TMTC2: variants seen among roughly 807,000 people sequenced by gnomAD.
TMTC2 encodes the protein protein O-mannosyl-transferase TMTC2.
TMTC2 carries 43 observed loss-of-function variants against 82.4 expected under a neutral mutation model. The observed-to-expected ratio is 0.52, with a 90% confidence interval of 0.41 to 0.67. The LOEUF is 0.67. TMTC2 is among the 30% of genes least tolerant of loss of function. The probability of loss-of-function intolerance (pLI) is 0.00; values close to 1 mark genes in which losing one functional copy is unlikely to be tolerated. For missense variants in TMTC2, 919 were observed against 1,012.4 expected (o/e 0.91, Z 1.25); for synonymous variants, 408 against 381.9 (o/e 1.07, Z -0.80).
intron 2 of TMTC2, among the ~76,000 whole-genome samples, chr12:82,873,214 TGTG>T (rs1872300727): frequency 1.3e-4 from 2 of 15,776 alleles, no homozygotes; most frequent in African/African-American, 6.8e-4. Context: ...TCAAAGATGT[TGTG>T]TGTGTGTGTG....
intron 1 of TMTC2, among the ~76,000 whole-genome samples, chr12:82,775,292 T>C (rs1482972856): frequency 6.6e-6 from 1 of 151,580 alleles, no homozygotes; most frequent in Non-Finnish European, 1.5e-5. Context: ...TTATAAAAAA[T>C]TAAAAAAAAT....
intron 2 of TMTC2, among the ~76,000 whole-genome samples, chr12:82,889,725 T>C (rs532228276): frequency 6.6e-6 from 1 of 152,324 alleles, no homozygotes; most frequent in South Asian, 2.1e-4. Flanking sequence ...CATGCTGTTA[T>C]AGAATGATTT....
intron 9 of TMTC2, among the ~76,000 whole-genome samples, chr12:83,033,190 A>G (rs901290164): frequency 5.3e-5 from 8 of 152,222 alleles, no homozygotes; most frequent in Non-Finnish European, 7.3e-5. Flanking sequence ...TGAGAAGGCC[A>G]TAATTGAGTG....
chr12:82,877,255 TTCTC>T (rs1872627255), intron 2 of TMTC2, among the ~76,000 whole-genome samples: 1 of 152,162 alleles, frequency 6.6e-6, no homozygotes, highest in Admixed American at 6.5e-5. Flanking sequence ...AAAAATAACT[TTCTC>T]TCTGAAACCG....
intron 10 of TMTC2, among the ~76,000 whole-genome samples, chr12:83,057,209 T>C (rs1319889551): frequency 6.6e-6 from 1 of 151,970 alleles, no homozygotes; most frequent in Non-Finnish European, 1.5e-5. Flanking sequence ...AACTCTGCCC[T>C]TAGCAGCCCC....
chr12:82,890,672 T>A (rs74620473), intron 2 of TMTC2, among the ~76,000 whole-genome samples: 5,315 of 152,302 alleles, frequency 0.035, 130 homozygotes, highest in East Asian at 0.1. Flanking sequence ...TAATTGATAA[T>A]GATGGACCTT....
intron 7 of TMTC2, among the ~76,000 whole-genome samples, chr12:82,980,616 A>G (rs1878874982): frequency 6.6e-6 from 1 of 151,822 alleles, no homozygotes; most frequent in South Asian, 2.1e-4. Flanking sequence ...TAGAAAAAAA[A>G]AATTATAATT....
intron 9 of TMTC2, among the ~76,000 whole-genome samples, chr12:83,037,144 A>G (rs147391665): frequency 1.6e-4 from 25 of 152,330 alleles, no homozygotes; most frequent in Non-Finnish European, 2.9e-4. Flanking sequence ...CGTAGCAGAT[A>G]GTTCATATAT....
At chr12:82,781,657 G>A (rs553408475) in intron 1 of TMTC2, among the ~76,000 whole-genome samples, 3 of 149,304 alleles carry the variant, frequency 2.0e-5, no homozygotes, top group African/African-American at 7.4e-5. Flanking sequence ...TAGGCCATTT[G>A]GTTTTCTTTT....
At chr12:83,048,595 G>A (rs772620914) in intron 9 of TMTC2, among the ~76,000 whole-genome samples, 6 of 151,926 alleles carry the variant, frequency 3.9e-5, no homozygotes, top group African/African-American at 9.7e-5. Flanking sequence ...CTTTATAATC[G>A]TAGGCTTACC....
intron 11 of TMTC2, among the ~76,000 whole-genome samples, chr12:83,078,956 C>T (rs1031472609): frequency 2.6e-5 from 4 of 151,676 alleles, no homozygotes; most frequent in Non-Finnish European, 5.9e-5. Context: ...GTAAATTGTT[C>T]AGCTTAGGAA....
chr12:82,756,022 T>G (rs1328426064), intron 1 of TMTC2, among the ~76,000 whole-genome samples: 1 of 152,200 alleles, frequency 6.6e-6, no homozygotes, highest in African/African-American at 2.4e-5. Context: ...ATAAAATAAG[T>G]TGAAGGAACA....
intron 3 of TMTC2, 83 bp downstream of exon 3, chr12:82,896,729 T>G: frequency 8.8e-7 from 1 of 1,130,176 alleles, no homozygotes; most frequent in Non-Finnish European, 1.2e-6. Flanking sequence ...TAAAACACAG[T>G]ATTAAGGAGG....
intron 4 of TMTC2, among the ~76,000 whole-genome samples, chr12:82,955,467 A>G (rs992076689): frequency 6.6e-6 from 1 of 152,150 alleles, no homozygotes; most frequent in African/African-American, 2.4e-5. Flanking sequence ...TTCATAAAAT[A>G]TTATCTTAGA....
At chr12:82,690,767 C>T (rs1354576506) in intron 1 of TMTC2, among the ~76,000 whole-genome samples, 1 of 152,068 alleles carries the variant, frequency 6.6e-6, no homozygotes, top group Non-Finnish European at 1.5e-5. Flanking sequence ...TTGAAATTAA[C>T]AATATGCAGT....
chr12:82,931,959 G>T (rs372489836), intron 4 of TMTC2, among the ~76,000 whole-genome samples: 4 of 152,198 alleles, frequency 2.6e-5, no homozygotes, highest in African/African-American at 9.6e-5. Flanking sequence ...GGAATGGAAT[G>T]GAGGCAAAAC....
At chr12:82,977,161 A>G (rs1278504767) in intron 7 of TMTC2, among the ~76,000 whole-genome samples, 1 of 152,014 alleles carries the variant, frequency 6.6e-6, no homozygotes, top group Non-Finnish European at 1.5e-5. Context: ...TCGAATGGGG[A>G]AACTCAATTT....
At chr12:82,711,262 C>A (rs1305327341) in intron 1 of TMTC2, among the ~76,000 whole-genome samples, 1 of 152,180 alleles carries the variant, frequency 6.6e-6, no homozygotes, top group Non-Finnish European at 1.5e-5. Flanking sequence ...CCAAAGCTTA[C>A]AATTATTTAA....
At chr12:83,041,944 T>G (rs922002712) in intron 9 of TMTC2, among the ~76,000 whole-genome samples, 2 of 152,164 alleles carry the variant, frequency 1.3e-5, no homozygotes, top group Non-Finnish European at 2.9e-5. Context: ...ACAAACACAT[T>G]GGTGGGGCAG....
Sources: allele counts gnomAD v4.1 joint callset (sites outside exome capture counted in the v4.1 genomes callset), GRCh38; gene constraint gnomAD v4.1.1; transcripts MANE v1.5; gene names NCBI Gene and HGNC (gene_info 2026-07-23, HGNC 2026-07-21).